The following SLF1 variants were observed in gnomAD, a reference collection of about 807,000 sequenced individuals.
SLF1 encodes SMC5/6 complex localization factor 1, also known as SMC5-SMC6 complex localization factor protein 1.
A neutral mutation model predicts 123.0 loss-of-function variants in SLF1; 105 were observed. The ratio of observed to expected loss-of-function variants is 0.85; its 90% confidence interval spans 0.73 to 1.00. SLF1 has a LOEUF of 1.00. Among genes scored for constraint, SLF1 ranks in the 50% least tolerant of loss-of-function variants. SLF1 has a pLI of 0.00. For synonymous variants in SLF1, 434 were observed against 406.6 expected, an observed-to-expected ratio of 1.07 and a Z score of -0.81; for missense variants, 1,239 against 1,223.0, an observed-to-expected ratio of 1.01 and a Z score of -0.20.
intron 11 of SLF1, among the ~76,000 whole-genome samples, chr5:94,665,047 ACAAT>A (rs1378181498): frequency 5.3e-5 from 8 of 152,228 alleles, no homozygotes; most frequent in African/African-American, 1.7e-4. Context: ...AATAATTAAT[ACAAT>A]AACTAATAAG....
At chr5:94,648,721 C>T (rs918665642) in intron 5 of SLF1, among the ~76,000 whole-genome samples, 1 of 152,202 alleles carries the variant, frequency 6.6e-6, no homozygotes, top group Non-Finnish European at 1.5e-5. Context: ...ACCTCGTGAT[C>T]CACCCGCCTT....
chr5:94,651,875 T>C (rs1267484393), intron 7 of SLF1, 30 bp downstream of exon 7: 4 of 1,186,866 alleles, frequency 3.4e-6, no homozygotes, highest in Admixed American at 3.3e-5. Flanking sequence ...AAATAATTTA[T>C]TTTTAATATA....
chr5:94,625,453 G>A (rs924931945), intron 1 of SLF1, among the ~76,000 whole-genome samples: 1 of 151,066 alleles, frequency 6.6e-6, no homozygotes, highest in African/African-American at 2.4e-5. Flanking sequence ...GTGTGGTCTC[G>A]GCTCACTGCA....
chr5:94,658,537 C>T (rs1181977621), intron 9 of SLF1, among the ~76,000 whole-genome samples: 2 of 151,820 alleles, frequency 1.3e-5, no homozygotes, highest in Non-Finnish European at 2.9e-5. Flanking sequence ...TGTTGTCACC[C>T]TGATTGGGAT....
chr5:94,637,713 T>C (rs1242865322), intron 4 of SLF1, among the ~76,000 whole-genome samples: 1 of 152,052 alleles, frequency 6.6e-6, no homozygotes, highest in Non-Finnish European at 1.5e-5. Context: ...TGAAGTACAC[T>C]GTGGTTAGCA....
chr5:94,692,386 T>A, intron 20 of SLF1, 130 bp downstream of exon 20: 1 of 945,660 alleles, frequency 1.1e-6, no homozygotes, highest in Non-Finnish European at 1.5e-6. Flanking sequence ...AATGAAAAAG[T>A]AAGGATAAAA....
Position 94,696,045 on chromosome 5 carries a change from A to T in SLF1, c.*733A>T, listed in dbSNP as rs1230120238. Reference sequence around the variant, plus strand: ...GCATAGGTTTATGAGTTTAATATTAAGATATTGAGTGGCATCTAAGTAATA... The same window carrying T: ...GCATAGGTTTATGAGTTTAATATTATGATATTGAGTGGCATCTAAGTAATA... On this transcript the variant is annotated 3_prime_UTR_variant, in exon 21 of 21. Transcript: ENST00000265140. 2 of 151,836 alleles carry T rather than the reference A, an allele frequency of 1.3e-5. No homozygotes were observed. The highest frequency in any genetic ancestry group is 2.9e-5 in the Non-Finnish European group (2 of 67,832). The allele number at this position is 151,836 out of a possible 1,614,324, so 9.4% of individuals were successfully genotyped here. A position where few individuals can be genotyped will look rare whatever the true frequency, so the allele number is the denominator to read the frequency against.
chr5:94,652,414 C>T (rs1747845503), intron 7 of SLF1, among the ~76,000 whole-genome samples: 1 of 152,164 alleles, frequency 6.6e-6, no homozygotes, highest in Non-Finnish European at 1.5e-5. Context: ...ATAGTTTTAA[C>T]AGCTGTGTGT....
In SLF1 at chr5:94,663,917, A is replaced by G; in HGVS notation, c.1368+9A>G. ...TAGAGAACGTTCTACAGGTAAGAGC[A>G]GCCTTAAGGATTTATAATCTTTTTT... On this transcript the variant is annotated intron_variant, in intron 11 of 20. Coordinates refer to ENST00000265140, the MANE Select transcript of SLF1 (RefSeq NM_032290.4). The G allele has an allele frequency of 6.8e-7, 1 of 1,475,848 alleles. No homozygotes were observed. Among genetic ancestry groups the G allele is most frequent in the Non-Finnish European group, 9.0e-7 (1 of 1,114,976 alleles). The allele number at this position is 1,475,848 out of a possible 1,614,324, so 91.4% of individuals were successfully genotyped here.
chr5:94,694,472 T>G (rs956786198), intron 20 of SLF1, among the ~76,000 whole-genome samples: 1 of 151,864 alleles, frequency 6.6e-6, no homozygotes, highest in African/African-American at 2.4e-5. Flanking sequence ...CTGAGGCTCT[T>G]GTATAGAATT....
chr5:94,663,731 A>C lies in SLF1; in HGVS notation c.1210-19A>C. ...TTTATCTTTCTTTTCTCTGAATCAT[A>C]GAATCTTTCCTTTCTTAGGTTAAAA... On this transcript the variant is annotated intron_variant, in intron 10 of 20. Transcript: ENST00000265140. The C allele has an allele frequency of 6.7e-7, 1 of 1,492,572 alleles. No individual in the cohort carries two copies. The allele number at this position is 1,492,572 out of a possible 1,614,324, so 92.5% of individuals were successfully genotyped here.
In SLF1 at chr5:94,686,596, A is replaced by T. The variant is rs1585233734; in HGVS notation, c.1999A>T (p.Ile667Phe). Reference sequence around the variant, plus strand: ...AGACTTTTCTTCACAGGAATTAGAGATTTTCATTTGCTCCTTTTCCTCCTC... The same window carrying T: ...AGACTTTTCTTCACAGGAATTAGAGTTTTTCATTTGCTCCTTTTCCTCCTC... ...CDDFSSQELE[I>F]FICSFSSSWL... The change falls in exon 16 of 21, where the codon ATT becomes TTT. Residue 667 changes from isoleucine (I) to phenylalanine (F), a missense_variant. By Grantham distance (21) the Ile-to-Phe change is conservative. Transcript: ENST00000265140. 1 of 1,613,864 alleles carries T rather than the reference A, an allele frequency of 6.2e-7. No individual in the cohort carries two copies. The highest frequency in any genetic ancestry group is 2.2e-5 in the East Asian group (1 of 44,846).
chr5:94,633,392 A>G lies in SLF1; in HGVS notation c.431+2649A>G, dbSNP rs564133111. Reference sequence around the variant, plus strand: ...TCATTTTTAATATTTTGCTGATTCTATTTGCAATTTTTAAAAATGATTTTT... The same window carrying G: ...TCATTTTTAATATTTTGCTGATTCTGTTTGCAATTTTTAAAAATGATTTTT... On this transcript the variant is annotated intron_variant, in intron 4 of 20. Transcript: ENST00000265140. 2.0e-4 allele frequency among the ~76,000 whole-genome samples: 30 copies of G among 152,290 alleles called. 1 individual carries two copies. The South Asian group carries it at 5.0e-3, about 25-fold the overall frequency.
chr5:94,649,636 T>C, intron 6 of SLF1, 39 bp downstream of exon 6: 1 of 1,409,972 alleles, frequency 7.1e-7, no homozygotes, highest in Non-Finnish European at 9.4e-7. Flanking sequence ...TTTCTGATGT[T>C]TCTTATAGAA....
intron 4 of SLF1, among the ~76,000 whole-genome samples, chr5:94,635,515 A>G (rs940864427): frequency 4.1e-5 from 6 of 147,734 alleles, no homozygotes; most frequent in South Asian, 2.2e-4. Context: ...CTTTCTTCCT[A>G]TGTTGCTGTC....
rs1585234531 is a variant in SLF1 at position 94,686,864 on chromosome 5, T to C, written c.2121+146T>C. On this transcript the variant is annotated intron_variant, in intron 16 of 20. Coordinates refer to ENST00000265140, the MANE Select transcript of SLF1 (RefSeq NM_032290.4). Reference sequence around the variant, plus strand: ...GTGCAGTGGCGCAATCGCGGCTCACTGTAAGCTCCGCCTCCCGGGTGCATG... The same window carrying C: ...GTGCAGTGGCGCAATCGCGGCTCACCGTAAGCTCCGCCTCCCGGGTGCATG... 7.5e-6 allele frequency: 7 copies of C among 933,402 alleles called. No individual in the cohort carries two copies. In the East Asian group the frequency reaches 2.1e-4, roughly 28 times the overall value. The allele number at this position is 933,402 out of a possible 1,614,324, so 57.8% of individuals were successfully genotyped here.
At chr5:94,653,160 C>T in intron 7 of SLF1, 112 bp from the exon 8 acceptor site, 1 of 1,122,736 alleles carries the variant, frequency 8.9e-7, no homozygotes, top group Non-Finnish European at 1.2e-6. Context: ...CCCGGCCGTA[C>T]TTCTTTATTT....
At chr5:94,669,891 T>C (rs528564965) in intron 12 of SLF1, among the ~76,000 whole-genome samples, 1 of 151,936 alleles carries the variant, frequency 6.6e-6, no homozygotes, top group South Asian at 2.1e-4. Flanking sequence ...AAAGGGAGAG[T>C]ACCTGCTAGT....
chr5:94,681,065 G>T (rs189532041), intron 15 of SLF1, among the ~76,000 whole-genome samples: 233 of 152,240 alleles, frequency 1.5e-3, no homozygotes, highest in African/African-American at 5.3e-3. Context: ...GCACACACAC[G>T]CAGTTGGTTG....
Sources: allele counts gnomAD v4.1 joint callset (sites outside exome capture counted in the v4.1 genomes callset), GRCh38; gene constraint gnomAD v4.1.1; transcripts MANE v1.5; gene names NCBI Gene and HGNC (gene_info 2026-07-23, HGNC 2026-07-21).